LAMB4: variants seen among roughly 807,000 people sequenced by gnomAD.
LAMB4 encodes laminin subunit beta-4.
A neutral mutation model predicts 199.2 loss-of-function variants in LAMB4; 196 were observed. The ratio of observed to expected loss-of-function variants is 0.98; its 90% confidence interval spans 0.88 to 1.11. The LOEUF is 1.11. Among genes scored for constraint, LAMB4 ranks in the 50% least tolerant of loss-of-function variants. The pLI is 0.00. For missense variants in LAMB4, 2,080 were observed against 2,171.2 expected (o/e 0.96, Z 0.83); for synonymous variants, 744 against 770.6 (o/e 0.97, Z 0.57).
At chr7:108,071,958 A>G (rs1193159759) in intron 17 of LAMB4, among the ~76,000 whole-genome samples, 1 of 146,930 alleles carries the variant, frequency 6.8e-6, no homozygotes, top group African/African-American at 2.5e-5. Context: ...TCATTTTGCT[A>G]TGCTCCTCCT....
chr7:108,052,115 G>T lies in LAMB4; in HGVS notation c.3898C>A (p.Leu1300Ile). The T allele has an allele frequency of 6.2e-7, 1 of 1,609,336 alleles. No individual in the cohort carries two copies. Among genetic ancestry groups the T allele is most frequent in the Non-Finnish European group, 8.5e-7 (1 of 1,178,162 alleles). ...CCCTTACCCGCAATGCTTGCATTAA[G>T]GACACTGGATTGCAAATCAATTTCT... ...QEEIDLQSSV[L>I]NASIADSSEN... is the part of the protein sequence containing the mutation. Residue 1300 changes from leucine to isoleucine, a missense_variant, in exon 26 of 34, where the codon CTT becomes ATT. Coordinates refer to ENST00000388781, the MANE Select transcript of LAMB4 (RefSeq NM_007356.3).
chr7:108,029,716 G>C (rs563817033), intron 32 of LAMB4, among the ~76,000 whole-genome samples: 1 of 152,312 alleles, frequency 6.6e-6, no homozygotes, highest in South Asian at 2.1e-4. Context: ...CCCTTGAATA[G>C]AATGGAAATC....
At chr7:108,099,293 A>G (rs1007664746) in intron 10 of LAMB4, among the ~76,000 whole-genome samples, 1 of 152,204 alleles carries the variant, frequency 6.6e-6, no homozygotes, top group African/African-American at 2.4e-5. Context: ...AGGAGCCACA[A>G]TGGTAGCAAC....
intron 14 of LAMB4, among the ~76,000 whole-genome samples, chr7:108,084,769 A>G (rs1437044694): frequency 6.6e-6 from 1 of 151,162 alleles, no homozygotes; most frequent in Admixed American, 6.6e-5. Flanking sequence ...AAGAAACATA[A>G]ACAACCAAGG....
Position 108,030,989 on chromosome 7 carries a change from A to G in LAMB4, c.4819-10T>C. 6.2e-7 allele frequency: 1 copy of G among 1,610,908 alleles called. No individual in the cohort carries two copies. The highest frequency in any genetic ancestry group is 8.5e-7 in the Non-Finnish European group (1 of 1,178,148). On this transcript the variant is annotated splice_polypyrimidine_tract_variant and intron_variant, in intron 31 of 33. Transcript: ENST00000388781. ...TGGTTTGATTTTCAGCCTGTTGTTG[A>G]TTTAAAGACCAAAAAGGGAAAATCT...
intron 19 of LAMB4, among the ~76,000 whole-genome samples, chr7:108,067,320 A>C (rs1471430094): frequency 6.6e-6 from 1 of 152,234 alleles, no homozygotes; most frequent in African/African-American, 2.4e-5. Flanking sequence ...GATTGAAAAG[A>C]TATGTTTCCC....
chr7:108,043,824 T>C lies in LAMB4; in HGVS notation c.4399A>G (p.Ile1467Val), dbSNP rs749089882. The change falls in exon 29 of 34, where the codon ATA becomes GTA. Residue 1467 changes from isoleucine (I) to valine (V), a missense_variant. Transcript: ENST00000388781. ...ALQLREKLGN[I>V]RNQSDSEEEN... is the part of the protein sequence containing the mutation. ...TCTTCAGAGTCACTTTGGTTTCTTA[T>C]ATTTCCCAGTTTTTCCCTCAGCTGT... The C allele has an allele frequency of 3.1e-6, 5 of 1,610,080 alleles. No homozygotes were observed. The highest frequency in any genetic ancestry group is 4.5e-5 in the East Asian group (2 of 44,704).
chr7:108,052,143 C>T lies in LAMB4; in HGVS notation c.3870G>A (p.Gln1290=). 1 of 1,612,380 alleles carries T rather than the reference C, an allele frequency of 6.2e-7. No homozygotes were observed. The highest frequency in any genetic ancestry group is 8.5e-7 in the Non-Finnish European group (1 of 1,179,334). ...CACTGGATTGCAAATCAATTTCTTC[C>T]TGAAGGTCTTCAAGTAAGAGGTCTG... The part of the protein sequence containing the change: ...NEADLLLEDL[Q]EEIDLQSSVL... The change falls in exon 26 of 34, where the codon CAG becomes CAA. Residue 1290 remains glutamine, a synonymous_variant. Transcript: ENST00000388781.
Position 108,066,368 on chromosome 7 carries a change from C to G in LAMB4, c.2678+1G>C, listed in dbSNP as rs2036341473. 1.2e-6 allele frequency: 2 copies of G among 1,610,064 alleles called. No homozygotes were observed. The highest frequency in any genetic ancestry group is 2.2e-5 in the East Asian group (1 of 44,868). On this transcript the variant is annotated splice_donor_variant, in intron 20 of 33. Coordinates refer to ENST00000388781, the MANE Select transcript of LAMB4 (RefSeq NM_007356.3). LOFTEE classifies it high-confidence loss of function. Reference sequence around the variant, plus strand: ...AATTAAAGTGCATATGAATTCCATACCTTTCACAGTTTCTGCCAGTTGTAA... The same window carrying G: ...AATTAAAGTGCATATGAATTCCATAGCTTTCACAGTTTCTGCCAGTTGTAA...
At chr7:108,053,801 C>T in intron 25 of LAMB4, among the ~76,000 whole-genome samples, 1 of 152,286 alleles carries the variant, frequency 6.6e-6, no homozygotes, top group East Asian at 1.9e-4. Context: ...CCGACATTTT[C>T]CTAATGGTGT....
chr7:108,098,783 A>G (rs1333439755), intron 10 of LAMB4, among the ~76,000 whole-genome samples: 1 of 152,222 alleles, frequency 6.6e-6, no homozygotes, highest in African/African-American at 2.4e-5. Flanking sequence ...AAATCCATGC[A>G]TATATTTTTA....
intron 14 of LAMB4, 63 bp downstream of exon 14, chr7:108,091,563 C>A: frequency 6.5e-7 from 1 of 1,535,164 alleles, no homozygotes. Flanking sequence ...CAAGTATGTG[C>A]TCTGTGTGTT....
intron 1 of LAMB4, among the ~76,000 whole-genome samples, chr7:108,126,554 C>CTTTTTTTTTTTTTTTTT (rs71137605): frequency 2.4e-5 from 2 of 83,520 alleles, no homozygotes; most frequent in African/African-American, 5.0e-5. Context: ...GAATTTCTTT[C>CTTTTTTTTTTTTTTTTT]TTTTTTTTTT....
intron 10 of LAMB4, among the ~76,000 whole-genome samples, 171 bp downstream of exon 10, chr7:108,102,873 G>A (rs1244659248): frequency 6.6e-6 from 1 of 152,142 alleles, no homozygotes; most frequent in Non-Finnish European, 1.5e-5. Flanking sequence ...GGATCAACTT[G>A]TTTGCAGAAG....
chr7:108,044,017 T>A (rs1444177387), intron 28 of LAMB4, 121 bp from the exon 29 acceptor site: 1 of 742,350 alleles, frequency 1.3e-6, no homozygotes, highest in Non-Finnish European at 2.1e-6. Flanking sequence ...AATAAAAGTC[T>A]AGATAAACCA....
downstream of LAMB4, among the ~76,000 whole-genome samples, chr7:108,019,030 T>C (rs920644864): frequency 2.6e-5 from 4 of 152,104 alleles, no homozygotes; most frequent in African/African-American, 4.8e-5. Flanking sequence ...TCCCACCCAA[T>C]TGAAGGTAGG....
intron 8 of LAMB4, among the ~76,000 whole-genome samples, chr7:108,104,884 T>A (rs145105600): frequency 7.6e-4 from 116 of 152,146 alleles, no homozygotes; most frequent in African/African-American, 2.8e-3. Flanking sequence ...GGCAGCACAT[T>A]GCAGCCCTCA....
chr7:108,021,431 C>T (rs541446909), downstream of LAMB4, among the ~76,000 whole-genome samples: 7 of 152,192 alleles, frequency 4.6e-5, no homozygotes, highest in South Asian at 2.1e-4. Flanking sequence ...AAATGGGGGA[C>T]GGGCATGGTG....
Position 108,095,259 on chromosome 7 carries a change from T to A in LAMB4, c.1439A>T (p.Tyr480Phe), listed in dbSNP as rs2037552451. 6.2e-7 allele frequency: 1 copy of A among 1,613,814 alleles called. No homozygotes were observed. The highest frequency in any genetic ancestry group is 8.5e-7 in the Non-Finnish European group (1 of 1,179,890). ...VDTGQCLCLS[Y>F]VTGAHCEECT... ...TTCTTCGCAGTGTGCTCCGGTGACA[T>A]ATGACAGGCACAAGCATTGGCCTGT... Residue 480 changes from tyrosine to phenylalanine, a missense_variant, in exon 12 of 34, where the codon TAT becomes TTT. By Grantham distance (22) the Tyr-to-Phe change is conservative. Coordinates refer to ENST00000388781, the MANE Select transcript of LAMB4 (RefSeq NM_007356.3).
Sources: gnomAD v4.1 joint callset for allele counts (sites outside exome capture counted in the v4.1 genomes callset) on GRCh38, gnomAD v4.1.1 for gene constraint, MANE v1.5 for transcripts, NCBI Gene and HGNC (gene_info 2026-07-23, HGNC 2026-07-21) for gene names.